Variants in ACOXL observed in about 807,000 individuals in gnomAD.
ACOXL encodes acyl-coenzyme A oxidase-like protein.
ACOXL carries 70 observed loss-of-function variants against 71.9 expected under a neutral mutation model. The observed-to-expected ratio is 0.97, with a 90% CI of 0.80 to 1.19. The LOEUF (loss-of-function observed/expected upper bound fraction) is 1.19. Among genes scored for constraint, ACOXL ranks in the 50% most tolerant of loss-of-function variants. ACOXL has a pLI of 0.00. For missense variants in ACOXL, 703 were observed against 736.3 expected (o/e 0.95, Z 0.52); for synonymous variants, 253 against 281.6 (o/e 0.90, Z 1.02).
chr2:110,829,976 G>A (rs1689623498), intron 9 of ACOXL, among the ~76,000 whole-genome samples: 1 of 152,186 alleles, frequency 6.6e-6, no homozygotes, highest in African/African-American at 2.4e-5. Context: ...ATGAGTGGAG[G>A]TGGCTGGTGT....
intron 1 of ACOXL, among the ~76,000 whole-genome samples, chr2:110,738,153 G>A (rs927235553): frequency 1.3e-5 from 2 of 152,190 alleles, no homozygotes; most frequent in Admixed American, 1.3e-4. Context: ...CCTGTTGAGA[G>A]GCTGCATAGA....
chr2:111,047,432 C>A (rs1308888093), intron 15 of ACOXL, among the ~76,000 whole-genome samples: 7 of 152,110 alleles, frequency 4.6e-5, no homozygotes, highest in Admixed American at 6.5e-5. Flanking sequence ...AAAATAGCCA[C>A]CTTAAAAAGG....
At chr2:110,886,981 T>G in intron 10 of ACOXL, 2 of 1,100,104 alleles carry the variant, frequency 1.8e-6, no homozygotes, top group South Asian at 1.6e-5. Flanking sequence ...AAACTTTTTA[T>G]CTGAGAATGT....
intron 12 of ACOXL, among the ~76,000 whole-genome samples, chr2:110,963,337 A>G (rs1366797048): frequency 1.3e-5 from 2 of 152,080 alleles, no homozygotes; most frequent in South Asian, 2.1e-4. Context: ...AAATCAGTCC[A>G]CTTTATTGAA....
intron 16 of ACOXL, among the ~76,000 whole-genome samples, chr2:111,052,233 G>A (rs561006912): frequency 6.6e-6 from 1 of 152,240 alleles, no homozygotes; most frequent in South Asian, 2.1e-4. Context: ...CAGAAAGCTG[G>A]GCTTCTTCCT....
At chr2:110,743,446 A>G (rs1308573950) in intron 1 of ACOXL, among the ~76,000 whole-genome samples, 2 of 152,198 alleles carry the variant, frequency 1.3e-5, no homozygotes, top group South Asian at 2.1e-4. Flanking sequence ...TTAAACTTGC[A>G]TAGTGACTGT....
At chr2:110,772,238 C>T (rs185842284) in intron 2 of ACOXL, among the ~76,000 whole-genome samples, 10 of 152,288 alleles carry the variant, frequency 6.6e-5, no homozygotes, top group East Asian at 3.9e-4. Context: ...CCTGAGCCCA[C>T]GTCAAACAGG....
At chr2:111,031,479 G>T in intron 14 of ACOXL, 148 bp from the exon 15 acceptor site, 1 of 645,762 alleles carries the variant, frequency 1.5e-6, no homozygotes, top group Non-Finnish European at 2.7e-6. Flanking sequence ...GTTTTTGCAG[G>T]TCACAGAGGC....
intron 1 of ACOXL, among the ~76,000 whole-genome samples, chr2:110,762,896 A>G (rs533785807): frequency 6.3e-4 from 96 of 152,324 alleles, no homozygotes; most frequent in Admixed American, 1.8e-3. Context: ...GGCTCGAGCA[A>G]TCTGCCCACC....
intron 12 of ACOXL, among the ~76,000 whole-genome samples, chr2:110,961,594 TTTTG>T (rs1230892331): frequency 3.3e-5 from 5 of 152,194 alleles, no homozygotes; most frequent in African/African-American, 1.2e-4. Flanking sequence ...AACATTAGTA[TTTTG>T]AGTGTTTTGC....
chr2:110,966,562 C>G (rs2061939176), intron 12 of ACOXL, among the ~76,000 whole-genome samples: 1 of 152,376 alleles, frequency 6.6e-6, no homozygotes, highest in South Asian at 2.1e-4. Flanking sequence ...TCTTCCCTCC[C>G]TGCCCCCTAA....
chr2:110,813,127 A>G (rs1687541316), intron 9 of ACOXL, among the ~76,000 whole-genome samples: 2 of 152,148 alleles, frequency 1.3e-5, no homozygotes, highest in African/African-American at 4.8e-5. Context: ...ACATTCACAG[A>G]TGGGCAGCCA....
chr2:110,763,288 T>A lies in ACOXL; in HGVS notation c.-22-5080T>A, dbSNP rs561548058. 2.6e-5 allele frequency among the ~76,000 whole-genome samples: 4 copies of A among 152,320 alleles called. No homozygotes were observed. The South Asian group carries it at 8.3e-4, about 32-fold the overall frequency. Reference sequence around the variant, plus strand: ...AGCCACTACTGGCTTCATGACTTACTACAAATCTACAGTAATTAAAAATGT... The same window carrying A: ...AGCCACTACTGGCTTCATGACTTACAACAAATCTACAGTAATTAAAAATGT... On this transcript the variant is annotated intron_variant, in intron 1 of 17. Coordinates refer to ENST00000439055, the MANE Select transcript of ACOXL (RefSeq NM_001142807.4).
intron 9 of ACOXL, among the ~76,000 whole-genome samples, chr2:110,812,876 C>T (rs947990721): frequency 6.6e-6 from 1 of 152,194 alleles, no homozygotes; most frequent in Non-Finnish European, 1.5e-5. Flanking sequence ...ACTCATGGTG[C>T]ATCCGGGTAG....
chr2:110,784,793 C>A lies in ACOXL; in HGVS notation c.137C>A (p.Ala46Glu), dbSNP rs201574685. The change falls in exon 3 of 18, where the codon GCG becomes GAG. Residue 46 changes from alanine (A) to glutamate (E), a missense_variant. Physicochemically the swap from Ala to Glu is moderately radical, Grantham distance 107 (BLOSUM62 -1). Coordinates refer to ENST00000439055, the MANE Select transcript of ACOXL (RefSeq NM_001142807.4). Reference protein sequence around the residue: ...SLVIGEVLSMADMATGVKCGI... With the variant: ...SLVIGEVLSMEDMATGVKCGI... Reference sequence around the variant, plus strand: ...GTCATAGGAGAAGTCCTCTCCATGGCGGACATGGCCACAGGAGTGAAGGTG... The same window carrying A: ...GTCATAGGAGAAGTCCTCTCCATGGAGGACATGGCCACAGGAGTGAAGGTG... 1.2e-6 allele frequency: 2 copies of A among 1,607,186 alleles called. No homozygotes were observed. The highest frequency in any genetic ancestry group is 1.7e-6 in the Non-Finnish European group (2 of 1,177,664).
chr2:110,885,509 C>G (rs1306803720), intron 10 of ACOXL, among the ~76,000 whole-genome samples: 1 of 151,804 alleles, frequency 6.6e-6, no homozygotes, highest in African/African-American at 2.4e-5. Flanking sequence ...ATTTGTTATG[C>G]TTCGTATTTC....
chr2:110,798,841 C>A, intron 6 of ACOXL, 117 bp downstream of exon 6: 1 of 1,172,996 alleles, frequency 8.5e-7, no homozygotes. Flanking sequence ...AACTTTATCT[C>A]CTAATATGCA....
At chr2:110,771,907 A>G (rs1681991188) in intron 2 of ACOXL, among the ~76,000 whole-genome samples, 1 of 152,210 alleles carries the variant, frequency 6.6e-6, no homozygotes, top group Non-Finnish European at 1.5e-5. Context: ...ACTTTGTGGC[A>G]GTGTCTTGTC....
At chr2:111,013,823 G>A (rs1307763503) in intron 14 of ACOXL, among the ~76,000 whole-genome samples, 1 of 151,346 alleles carries the variant, frequency 6.6e-6, no homozygotes, top group South Asian at 2.1e-4. Flanking sequence ...AGTAAGTACA[G>A]TACAAAGAAA....
Sources: gnomAD v4.1 joint callset for allele counts (sites outside exome capture counted in the v4.1 genomes callset) on GRCh38, gnomAD v4.1.1 for gene constraint, MANE v1.5 for transcripts, NCBI Gene and HGNC (gene_info 2026-07-23, HGNC 2026-07-21) for gene names.